Variants in VWA2 observed in about 807,000 individuals in gnomAD.
VWA2 encodes von Willebrand factor A domain-containing protein 2.
In VWA2, 73 loss-of-function variants were observed where a neutral mutation model predicts 70.4. The ratio of observed to expected loss-of-function variants is 1.04; its 90% CI spans 0.86 to 1.26. VWA2 has a LOEUF of 1.26. Among genes scored for constraint, VWA2 ranks in the 50% most tolerant of loss-of-function variants. The pLI is 0.00. For missense variants in VWA2, 1,011 were observed against 998.5 expected, an observed-to-expected ratio of 1.01 and a Z score of -0.17; for synonymous variants, 407 against 423.3, an observed-to-expected ratio of 0.96 and a Z score of 0.47.
intron 6 of VWA2, among the ~76,000 whole-genome samples, chr10:114,274,574 A>C (rs112980213): frequency 3.9e-5 from 6 of 152,110 alleles, no homozygotes; most frequent in African/African-American, 1.4e-4. Context: ...TCCTGGGTTC[A>C]AGCGATTCTC....
chr10:114,291,930 C>T lies in VWA2; in HGVS notation c.*693C>T, dbSNP rs1265838742. ...GCAATGGGCCCAGGTCTGGAGGGGC[C>T]ACGTAAAATCGTTCTGAGTCGTGAG... On this transcript the variant is annotated 3_prime_UTR_variant, in exon 14 of 14. Transcript: ENST00000392982. Among the ~76,000 whole-genome samples, 3 of 152,070 alleles carry T rather than the reference C, an allele frequency of 2.0e-5. 1 individual carries two copies. The highest frequency in any genetic ancestry group is 4.4e-5 in the Non-Finnish European group (3 of 68,012).
chr10:114,278,881 G>A, intron 8 of VWA2, 30 bp downstream of exon 8: 1 of 1,610,630 alleles, frequency 6.2e-7, no homozygotes, highest in Non-Finnish European at 8.5e-7. Context: ...GCTCGGCCTG[G>A]GTGGAGATGA....
chr10:114,256,429 G>A (rs1184796935), intron 4 of VWA2, among the ~76,000 whole-genome samples: 1 of 151,870 alleles, frequency 6.6e-6, no homozygotes, highest in Non-Finnish European at 1.5e-5. Context: ...TTCTTGTATC[G>A]GTATACAGTT....
At chr10:114,290,054 A>G in intron 12 of VWA2, 186 bp from the exon 13 acceptor site, 1 of 626,334 alleles carries the variant, frequency 1.6e-6, no homozygotes, top group South Asian at 2.2e-5. Flanking sequence ...ACTCTCCATG[A>G]GTCTGTAGGA....
At chr10:114,279,258 C>T (rs1188559580) in intron 8 of VWA2, among the ~76,000 whole-genome samples, 1 of 152,152 alleles carries the variant, frequency 6.6e-6, no homozygotes, top group African/African-American at 2.4e-5. Flanking sequence ...GTCAGGGAGG[C>T]TATGGGATGC....
intron 1 of VWA2, chr10:114,246,072 C>A (rs2133281318): frequency 6.8e-6 from 3 of 442,424 alleles, no homozygotes; most frequent in South Asian, 5.0e-5. Flanking sequence ...TGCCCCCGCC[C>A]CCCGCCCAAG....
chr10:114,253,116 A>G (rs1234344976), intron 2 of VWA2, among the ~76,000 whole-genome samples: 2 of 145,984 alleles, frequency 1.4e-5, no homozygotes, highest in Non-Finnish European at 3.0e-5. Flanking sequence ...GTCTTCCATC[A>G]TGGTTGGTTC....
At chr10:114,253,797 T>C (rs1231737151) in intron 3 of VWA2, 72 bp downstream of exon 3, 2 of 1,417,330 alleles carry the variant, frequency 1.4e-6, no homozygotes, top group Non-Finnish European at 2.0e-6. Flanking sequence ...ATGAGAACCA[T>C]GTTCTTCCAG....
In VWA2 at chr10:114,273,028, C is replaced by T. The variant is rs905814846; in HGVS notation, c.566+94C>T. 2.0e-5 allele frequency: 21 copies of T among 1,076,840 alleles called. 1 individual carries two copies. Among genetic ancestry groups the T allele is most frequent in the Admixed American group, 1.8e-4 (6 of 32,940 alleles). The allele number at this position is 1,076,840 out of a possible 1,614,324, so 66.7% of individuals were successfully genotyped here. A position where few individuals can be genotyped will look rare whatever the true frequency, so the allele number is the denominator to read the frequency against. On this transcript the variant is annotated intron_variant, in intron 6 of 13. Coordinates refer to ENST00000392982, the MANE Select transcript of VWA2 (RefSeq NM_001272046.2). Reference sequence around the variant, plus strand: ...AGGGAAGGGAGGGGACTGGAAGAGCCGTCCAGGTCCTTCCCTGGATCTGTC... The same window carrying T: ...AGGGAAGGGAGGGGACTGGAAGAGCTGTCCAGGTCCTTCCCTGGATCTGTC...
chr10:114,246,240 C>T (rs2037064339), intron 1 of VWA2: 3 of 858,690 alleles, frequency 3.5e-6, no homozygotes, highest in African/African-American at 3.3e-5. Flanking sequence ...GTGGCTCACG[C>T]CTGTAATCCC....
chr10:114,242,639 G>A (rs917535793), intron 1 of VWA2, among the ~76,000 whole-genome samples: 34 of 151,784 alleles, frequency 2.2e-4, no homozygotes, highest in South Asian at 2.1e-4. Context: ...TCTGTGTACC[G>A]CGTACTTCTG....
At chr10:114,242,740 A>C (rs2036996452) in intron 1 of VWA2, among the ~76,000 whole-genome samples, 1 of 152,214 alleles carries the variant, frequency 6.6e-6, no homozygotes, top group South Asian at 2.1e-4. Flanking sequence ...TCATTTCTTC[A>C]TCTATAAAGA....
In VWA2 at chr10:114,253,754, G is replaced by C. The variant is rs950091812; in HGVS notation, c.127+29G>C. The C allele has an allele frequency of 3.1e-6, 5 of 1,600,980 alleles. No homozygotes were observed. The African/African-American group carries it at 6.7e-5, about 21-fold the overall frequency. On this transcript the variant is annotated intron_variant, in intron 3 of 13. Coordinates refer to ENST00000392982, the MANE Select transcript of VWA2 (RefSeq NM_001272046.2). The stretch of plus-strand genomic sequence containing the variant: ...AGCCCAGGTTCTTCTTAACCCTCCA[G>C]ATGCCCACTCAGACCTCTGTGTGAT...
At chr10:114,253,786 G>A in intron 3 of VWA2, 61 bp downstream of exon 3, 1 of 1,460,168 alleles carries the variant, frequency 6.8e-7, no homozygotes. Flanking sequence ...TGATGGACTG[G>A]ATGAGAACCA....
At chr10:114,276,460 C>G (rs2037844026) in intron 6 of VWA2, among the ~76,000 whole-genome samples, 1 of 152,194 alleles carries the variant, frequency 6.6e-6, no homozygotes. Context: ...GCGTGAAACT[C>G]TACAAGCAAT....
At chr10:114,281,711 C>T (rs543155803) in intron 8 of VWA2, 217 of 984,870 alleles carry the variant, frequency 2.2e-4, no homozygotes, top group Non-Finnish European at 2.5e-4. Flanking sequence ...AGGGGCGGGG[C>T]TGGGGCACTG....
intron 4 of VWA2, among the ~76,000 whole-genome samples, chr10:114,259,996 C>T (rs7902414): frequency 6.6e-5 from 10 of 152,188 alleles, no homozygotes; most frequent in Admixed American, 1.3e-4. Flanking sequence ...CCACGTCCCA[C>T]GCCTGTCGAG....
chr10:114,251,318 T>C (rs771934750), intron 2 of VWA2, among the ~76,000 whole-genome samples: 14 of 152,136 alleles, frequency 9.2e-5, no homozygotes, highest in Non-Finnish European at 1.3e-4. Context: ...ACAGGGAGCA[T>C]TGGGGATGTC....
chr10:114,280,015 C>G (rs908425715), intron 8 of VWA2, among the ~76,000 whole-genome samples: 1 of 152,244 alleles, frequency 6.6e-6, no homozygotes, highest in Admixed American at 6.5e-5. Flanking sequence ...TCAGACTCTG[C>G]TCTCAGGCTG....
Sources: gnomAD v4.1 joint callset for allele counts (sites outside exome capture counted in the v4.1 genomes callset) on GRCh38, gnomAD v4.1.1 for gene constraint, MANE v1.5 for transcripts, NCBI Gene and HGNC (gene_info 2026-07-23, HGNC 2026-07-21) for gene names.